The following RIMKLB variants were observed in gnomAD, a reference collection of about 807,000 sequenced individuals.
RIMKLB encodes beta-citrylglutamate synthase B.
RIMKLB carries 7 observed loss-of-function variants against 32.0 expected under a neutral mutation model. The ratio of observed to expected loss-of-function variants is 0.22; its 90% confidence interval spans 0.12 to 0.41. The LOEUF (loss-of-function observed/expected upper bound fraction) is 0.41. Among genes scored for constraint, RIMKLB ranks in the 10% least tolerant of loss-of-function variants. The pLI, the probability that RIMKLB is intolerant of heterozygous loss-of-function variation, is 1.00. For missense variants in RIMKLB, 289 were observed against 498.7 expected (o/e 0.58, Z 4.00); for synonymous variants, 172 against 185.1 (o/e 0.93, Z 0.57).
At position 8,754,164 on chromosome 12, in the gene RIMKLB, T is replaced by G; in HGVS notation, c.697+71T>G. 4.4e-6 allele frequency: 5 copies of G among 1,137,438 alleles called. No individual in the cohort carries two copies. The South Asian group carries it at 6.2e-5, about 14-fold the overall frequency. The allele number at this position is 1,137,438 out of a possible 1,614,324, so 70.5% of individuals were successfully genotyped here. On this transcript the variant is annotated intron_variant, in intron 5 of 5. Transcript: ENST00000535829. ...TAATTGTCCAGTGAGTATTCATATG[T>G]ATGTAACTCTAGACCTTCTTAATAA...
chr12:8,747,581 A>G (rs1317786081), intron 2 of RIMKLB, among the ~76,000 whole-genome samples: 1 of 152,186 alleles, frequency 6.6e-6, no homozygotes, highest in Non-Finnish European at 1.5e-5. Context: ...TTATTAATCT[A>G]TTTTGACCAT....
intron 1 of RIMKLB, among the ~76,000 whole-genome samples, chr12:8,701,664 TA>T (rs1480025854): frequency 6.6e-6 from 1 of 151,276 alleles, no homozygotes; most frequent in Non-Finnish European, 1.5e-5. Context: ...TTTTTTTTTT[TA>T]AGAGAACCCG....
Position 8,774,008 on chromosome 12 carries a change from A to G in RIMKLB, c.*224A>G. ...AGAGGCAGAATAGGTGGGGTATAGA[A>G]AAATGTCAGGCTCTCATAGTTACCC... On this transcript the variant is annotated 3_prime_UTR_variant, in exon 6 of 6. Coordinates refer to ENST00000535829, the MANE Select transcript of RIMKLB (RefSeq NM_001297776.2). 1 of 1,341,940 alleles carries G rather than the reference A, an allele frequency of 7.5e-7. No homozygotes were observed. The allele number at this position is 1,341,940 out of a possible 1,614,324, so 83.1% of individuals were successfully genotyped here. A position where few individuals can be genotyped will look rare whatever the true frequency, so the allele number is the denominator to read the frequency against.
intron 5 of RIMKLB, among the ~76,000 whole-genome samples, chr12:8,771,510 T>A (rs1162474555): frequency 6.6e-6 from 1 of 152,210 alleles, no homozygotes; most frequent in South Asian, 2.1e-4. Flanking sequence ...ATATCACACA[T>A]CTTTCTCCTT....
chr12:8,691,827 T>A (rs951798859), intron 1 of RIMKLB, among the ~76,000 whole-genome samples: 1 of 152,194 alleles, frequency 6.6e-6, no homozygotes, highest in African/African-American at 2.4e-5. Flanking sequence ...GCTTCCAGAC[T>A]TCATTCATTC....
chr12:8,756,658 A>G (rs2137882586), intron 5 of RIMKLB, among the ~76,000 whole-genome samples: 1 of 138,122 alleles, frequency 7.2e-6, no homozygotes, highest in African/African-American at 2.7e-5. Flanking sequence ...TTTGAAAGAT[A>G]TTGGTTATAT....
rs773288313 is a variant in RIMKLB at position 8,749,888 on chromosome 12, A to G, written c.202A>G (p.Thr68Ala). 4 of 1,608,784 alleles carry G rather than the reference A, an allele frequency of 2.5e-6. No individual in the cohort carries two copies. The highest frequency in any genetic ancestry group is 4.5e-5 in the East Asian group (2 of 44,702). ...TCTGCGGATCAATGGAGAGCTAATCACTGCCTACCCACAAGTGGTGGTAGT... is the reference window on the plus strand; with the variant it reads ...TCTGCGGATCAATGGAGAGCTAATCGCTGCCTACCCACAAGTGGTGGTAGT... ...LGLRINGELI[T>A]AYPQVVVVRV... Residue 68 changes from threonine (T) to alanine (A), a missense_variant, in exon 3 of 6, where the codon ACT becomes GCT. By Grantham distance (58) the Thr-to-Ala change is moderately conservative. This residue lies in a region of RIMKLB where 156 missense variants were observed against 329.5 expected (regional missense o/e 0.47). Coordinates refer to ENST00000535829, the MANE Select transcript of RIMKLB (RefSeq NM_001297776.2).
At chr12:8,770,710 A>C (rs1161775624) in intron 5 of RIMKLB, among the ~76,000 whole-genome samples, 5 of 152,122 alleles carry the variant, frequency 3.3e-5, no homozygotes, top group African/African-American at 9.7e-5. Flanking sequence ...TTATTTGACC[A>C]CGTGTGGGGG....
At chr12:8,782,159 A>C (rs1228732548), downstream of RIMKLB, among the ~76,000 whole-genome samples, 1 of 151,988 alleles carries the variant, frequency 6.6e-6, no homozygotes, top group Non-Finnish European at 1.5e-5. Flanking sequence ...TTTTAATCTG[A>C]ATCAAAAATT....
At chr12:8,719,459 C>T (rs1201438449) in intron 2 of RIMKLB, among the ~76,000 whole-genome samples, 1 of 152,090 alleles carries the variant, frequency 6.6e-6, no homozygotes, top group African/African-American at 2.4e-5. Flanking sequence ...ACCTCCACCT[C>T]CCAGATTCAA....
chr12:8,700,699 G>T (rs1943312877), intron 1 of RIMKLB: 1 of 152,162 alleles, frequency 6.6e-6, no homozygotes, highest in Non-Finnish European at 1.5e-5. Context: ...TTGTTTTATG[G>T]CAGATTAGTT....
intron 1 of RIMKLB, among the ~76,000 whole-genome samples, chr12:8,684,039 C>T (rs114905623): frequency 0.013 from 1,948 of 152,214 alleles, 40 homozygotes; most frequent in African/African-American, 0.045. Flanking sequence ...TGAGCCACTG[C>T]GCCCCACCAA....
intron 1 of RIMKLB, among the ~76,000 whole-genome samples, chr12:8,709,327 A>G (rs904594285): frequency 5.9e-5 from 9 of 152,230 alleles, no homozygotes; most frequent in Non-Finnish European, 1.2e-4. Context: ...TTGACTTGTC[A>G]GCATTTCTGT....
In RIMKLB at chr12:8,775,430, A is replaced by G. The variant is rs1027132721; in HGVS notation, c.*1646A>G. 2 of 985,566 alleles carry G rather than the reference A, an allele frequency of 2.0e-6. No individual in the cohort carries two copies. The highest frequency in any genetic ancestry group is 5.2e-4 in the Middle Eastern group (1 of 1,914). 61.1% of individuals were successfully genotyped at this position (985,566 alleles called of 1,614,324 possible). A position where few individuals can be genotyped will look rare whatever the true frequency, so the allele number is the denominator to read the frequency against. The stretch of plus-strand genomic sequence containing the variant: ...TTGGATGGTATGTTAAGAAATGGAG[A>G]TGCTGCAGAGCCCAACGTAATTTTT... On this transcript the variant is annotated 3_prime_UTR_variant, in exon 6 of 6. Transcript: ENST00000535829.
At chr12:8,756,614 C>T (rs1315523123) in intron 5 of RIMKLB, among the ~76,000 whole-genome samples, 1 of 148,610 alleles carries the variant, frequency 6.7e-6, no homozygotes, top group Non-Finnish European at 1.5e-5. Context: ...GTGGCTTATT[C>T]AGAATACATG....
chr12:8,678,274 CCAAAGTGCTAGGA>C (rs1490083435), upstream of RIMKLB, among the ~76,000 whole-genome samples: 3 of 151,862 alleles, frequency 2.0e-5, no homozygotes, highest in Non-Finnish European at 4.4e-5. Flanking sequence ...CGTTGGCCTC[CCAAAGTGCTAGGA>C]TTACAAGTGT....
At chr12:8,679,142 A>G (rs1426097249), upstream of RIMKLB, 1 of 152,308 alleles carries the variant, frequency 6.6e-6, no homozygotes, top group Non-Finnish European at 1.5e-5. Context: ...ATCATTTCTC[A>G]GGAAGAAAGG....
intron 1 of RIMKLB, chr12:8,699,635 C>T (rs1425348598): frequency 6.6e-6 from 1 of 151,922 alleles, no homozygotes; most frequent in Non-Finnish European, 1.5e-5. Context: ...TGAGGTAATC[C>T]TATTTTATTC....
intron 2 of RIMKLB, among the ~76,000 whole-genome samples, chr12:8,718,653 CTA>C (rs369394381): frequency 0.08 from 11,074 of 138,022 alleles, 592 homozygotes; most frequent in South Asian, 0.24. Flanking sequence ...CTCTCTCTCT[CTA>C]TATATATATA....
Sources: gnomAD v4.1 joint callset for allele counts (sites outside exome capture counted in the v4.1 genomes callset) on GRCh38, gnomAD v4.1.1 for gene constraint, gnomAD v4.1.1 regional missense constraint, MANE v1.5 for transcripts, NCBI Gene and HGNC (gene_info 2026-07-23, HGNC 2026-07-21) for gene names.